The following MALRD1 variants were observed in gnomAD, a reference collection of about 807,000 sequenced individuals.
The protein encoded by MALRD1 is MAM and LDL receptor class A domain containing 1.
MALRD1 carries 247 observed loss-of-function variants against 242.1 expected under a neutral mutation model. The ratio of observed to expected loss-of-function variants is 1.02; its 90% CI spans 0.92 to 1.13. The LOEUF is 1.13. Among genes scored for constraint, MALRD1 ranks in the 50% most tolerant of loss-of-function variants. The probability of loss-of-function intolerance (pLI) is 0.00; values close to 1 mark genes in which losing one functional copy is unlikely to be tolerated. For synonymous variants in MALRD1, 995 were observed against 866.6 expected (o/e 1.15, Z -2.60); for missense variants, 2,989 against 2,533.1 (o/e 1.18, Z -3.86).
At chr10:19,663,572 G>T (rs1223950804) in intron 36 of MALRD1, among the ~76,000 whole-genome samples, 1 of 152,006 alleles carries the variant, frequency 6.6e-6, no homozygotes, top group Non-Finnish European at 1.5e-5. Context: ...TCAATTAGTG[G>T]TTCTAGTTTT....
chr10:19,712,842 A>T (rs1222954741), intron 38 of MALRD1, among the ~76,000 whole-genome samples: 22 of 152,330 alleles, frequency 1.4e-4, no homozygotes, highest in African/African-American at 5.0e-4. Context: ...AGCCAGCAAA[A>T]GCATGTTGAA....
chr10:19,600,584 G>GT (rs1348272867), intron 34 of MALRD1, among the ~76,000 whole-genome samples: 1 of 152,150 alleles, frequency 6.6e-6, no homozygotes, highest in Non-Finnish European at 1.5e-5. Context: ...CAAGACCATA[G>GT]TTTCTCTGCC....
chr10:19,530,625 A>G (rs935348775), intron 31 of MALRD1, among the ~76,000 whole-genome samples: 23 of 151,038 alleles, frequency 1.5e-4, no homozygotes, highest in Admixed American at 4.7e-4. Context: ...ATTTCTGACA[A>G]TGGCAACAGA....
chr10:19,452,217 A>C (rs1835369194), intron 29 of MALRD1, among the ~76,000 whole-genome samples: 1 of 152,232 alleles, frequency 6.6e-6, no homozygotes, highest in Non-Finnish European at 1.5e-5. Context: ...AATGATTCCT[A>C]GATGGGTTGA....
Position 19,734,261 on chromosome 10 carries a change from C to A in MALRD1, c.*24C>A. 4 of 1,513,466 alleles carry A rather than the reference C, an allele frequency of 2.6e-6. No homozygotes were observed. Among genetic ancestry groups the A allele is most frequent in the Non-Finnish European group, 2.7e-6 (3 of 1,126,908 alleles). The allele number at this position is 1,513,466 out of a possible 1,614,324, so 93.8% of individuals were successfully genotyped here. On this transcript the variant is annotated 3_prime_UTR_variant, in exon 40 of 40. Coordinates refer to ENST00000454679, the MANE Select transcript of MALRD1 (RefSeq NM_001142308.3). ...AGCAGCATCGAGACCAAGTCTGATC[C>A]AACATGTGTAGTTTCTAGAAAATTG...
chr10:19,419,165 A>G (rs1833622958), intron 28 of MALRD1, among the ~76,000 whole-genome samples: 1 of 152,078 alleles, frequency 6.6e-6, no homozygotes, highest in Non-Finnish European at 1.5e-5. Context: ...TAATACCTTC[A>G]TTTCCCTTAA....
chr10:19,092,211 A>G (rs372581547), intron 4 of MALRD1, among the ~76,000 whole-genome samples: 1 of 3,798 alleles, frequency 2.6e-4, no homozygotes, highest in Non-Finnish European at 4.4e-4. Context: ...CCCATTATTA[A>G]TGTGTGGGAG....
Position 19,165,634 on chromosome 10 carries a change from CA to C in MALRD1, c.1657-2del. 8.1e-7 allele frequency: 1 copy of C among 1,230,136 alleles called. No individual in the cohort carries two copies. The highest frequency in any genetic ancestry group is 1.0e-6 in the Non-Finnish European group (1 of 986,588). 76.2% of individuals were successfully genotyped at this position (1,230,136 alleles called of 1,614,324 possible). On this transcript the variant is annotated splice_acceptor_variant, in intron 12 of 39. Coordinates refer to ENST00000454679, the MANE Select transcript of MALRD1 (RefSeq NM_001142308.3). LOFTEE classifies it high-confidence loss of function. ...TATATCATTGAAAACATGTTTTCAACAGGTGCAGTTTTGGTATCATTTGTCT... is the reference window on the plus strand; with the variant it reads ...TATATCATTGAAAACATGTTTTCAACGGTGCAGTTTTGGTATCATTTGTCT...
At chr10:19,447,976 A>G (rs940865996) in intron 28 of MALRD1, among the ~76,000 whole-genome samples, 5 of 152,136 alleles carry the variant, frequency 3.3e-5, no homozygotes, top group African/African-American at 1.2e-4. Context: ...ATCTATCTAT[A>G]AACTGTTAGT....
intron 9 of MALRD1, among the ~76,000 whole-genome samples, chr10:19,134,879 G>C (rs569678003): frequency 6.6e-6 from 1 of 152,020 alleles, no homozygotes; most frequent in African/African-American, 2.4e-5. Context: ...ATAGGCCTTT[G>C]AGATCTAAGT....
intron 32 of MALRD1, among the ~76,000 whole-genome samples, chr10:19,550,144 C>T (rs752622450): frequency 7.2e-5 from 11 of 152,098 alleles, no homozygotes; most frequent in Non-Finnish European, 1.5e-4. Context: ...TTTCCTCAGT[C>T]CTTAATGACC....
chr10:19,077,060 T>TAAGA (rs1835340696), intron 2 of MALRD1, among the ~76,000 whole-genome samples: 1 of 152,022 alleles, frequency 6.6e-6, no homozygotes, highest in South Asian at 2.1e-4. Context: ...GAGGCAACTT[T>TAAGA]AAATGAGATT....
At chr10:19,268,877 C>A (rs1840077172) in intron 19 of MALRD1, among the ~76,000 whole-genome samples, 3 of 152,110 alleles carry the variant, frequency 2.0e-5, no homozygotes, top group Admixed American at 2.0e-4. Context: ...TCACTGAGTC[C>A]ATTTGGAGCC....
At chr10:19,718,039 G>T (rs1326883810) in intron 38 of MALRD1, among the ~76,000 whole-genome samples, 2 of 118,458 alleles carry the variant, frequency 1.7e-5, no homozygotes, top group Non-Finnish European at 3.3e-5. Context: ...TAAAGAGGAA[G>T]AAGAAGAGGA....
At chr10:19,246,278 G>C (rs1839039292) in intron 18 of MALRD1, among the ~76,000 whole-genome samples, 1 of 152,078 alleles carries the variant, frequency 6.6e-6, no homozygotes, top group Admixed American at 6.6e-5. Flanking sequence ...TAAATATTCA[G>C]ACACATGTAG....
intron 29 of MALRD1, among the ~76,000 whole-genome samples, chr10:19,452,523 A>G (rs1274270433): frequency 2.0e-5 from 3 of 152,214 alleles, no homozygotes; most frequent in Admixed American, 2.0e-4. Context: ...TTTCAGAAAA[A>G]GTAGCCATTG....
intron 31 of MALRD1, among the ~76,000 whole-genome samples, chr10:19,528,578 C>T (rs1834201235): frequency 6.6e-6 from 1 of 152,070 alleles, no homozygotes; most frequent in Admixed American, 6.6e-5. Context: ...GGCGACAGAG[C>T]AAGACTCCGT....
In MALRD1 at chr10:19,365,508, C is replaced by CT. The variant is rs201144573; in HGVS notation, c.4441+13220dup. ...AATTGTCACACCTTTTAAGCAAAGT[C>CT]TTTTTTTTTCCTTTTAAGCTTTTGT... On this transcript the variant is annotated intron_variant, in intron 26 of 39. Coordinates refer to ENST00000454679, the MANE Select transcript of MALRD1 (RefSeq NM_001142308.3). 5.3e-3 allele frequency among the ~76,000 whole-genome samples: 793 copies of CT among 150,548 alleles called. 2 individuals carry two copies. Among genetic ancestry groups the CT allele is most frequent in the African/African-American group, 0.018 (753 of 41,136 alleles).
intron 30 of MALRD1, 94 bp from the exon 31 acceptor site, chr10:19,498,391 A>G: frequency 9.5e-7 from 1 of 1,048,320 alleles, no homozygotes; most frequent in Non-Finnish European, 1.4e-6. Flanking sequence ...GAATTAGAAT[A>G]TGCAGATACT....
Sources: allele counts gnomAD v4.1 joint callset (sites outside exome capture counted in the v4.1 genomes callset), GRCh38; gene constraint gnomAD v4.1.1; transcripts MANE v1.5; gene names NCBI Gene and HGNC (gene_info 2026-07-23, HGNC 2026-07-21).